The following MOK variants were observed in gnomAD, a reference collection of about 807,000 sequenced individuals.
MOK encodes the protein MOK protein kinase.
In MOK, 59 loss-of-function variants were observed where a neutral mutation model predicts 54.2. That is an observed-to-expected ratio of 1.09 (90% CI 0.88 to 1.35). MOK has a LOEUF of 1.35. MOK is among the 40% of genes most tolerant of loss of function. The pLI is 0.00. For synonymous variants in MOK, 210 were observed against 202.7 expected (o/e 1.04, Z -0.31); for missense variants, 517 against 526.2 (o/e 0.98, Z 0.17).
chr14:102,268,140 C>T (rs1251381341), intron 2 of MOK, among the ~76,000 whole-genome samples: 1 of 152,152 alleles, frequency 6.6e-6, no homozygotes, highest in Non-Finnish European at 1.5e-5. Flanking sequence ...AATATCCATT[C>T]TTCTCCTCTG....
chr14:102,297,163 C>T (rs1260370904), intron 1 of MOK, among the ~76,000 whole-genome samples: 3 of 152,096 alleles, frequency 2.0e-5, no homozygotes, highest in African/African-American at 7.2e-5. Context: ...CAAGACCATC[C>T]TGGCTAACAC....
Position 102,250,954 on chromosome 14 carries a change from G to T in MOK, c.448C>A (p.Arg150=), listed in dbSNP as rs151048366. The T allele has an allele frequency of 1.2e-6, 2 of 1,613,954 alleles. No homozygotes were observed. Among genetic ancestry groups the T allele is most frequent in the Admixed American group, 1.7e-5 (1 of 59,998 alleles). ...TACGGCTGCTTGGAATAGACACTCCGGCAGGAGCCAAAGTCCCCTAATTTC... is the reference window on the plus strand; with the variant it reads ...TACGGCTGCTTGGAATAGACACTCCTGCAGGAGCCAAAGTCCCCTAATTTC... ...VLKLGDFGSC[R]SVYSKQPYTE... Residue 150 remains arginine (R), a synonymous_variant, in exon 7 of 12, where the codon CGG becomes AGG. Transcript: ENST00000361847.
chr14:102,304,056 A>T (rs898470638), intron 1 of MOK, among the ~76,000 whole-genome samples: 29 of 152,238 alleles, frequency 1.9e-4, no homozygotes, highest in African/African-American at 7.0e-4. Context: ...GTAAACATTA[A>T]ACAATATCCA....
intron 2 of MOK, among the ~76,000 whole-genome samples, chr14:102,268,335 A>C (rs1296274353): frequency 1.3e-5 from 2 of 152,274 alleles, no homozygotes; most frequent in East Asian, 1.9e-4. Context: ...TGCTTAATAA[A>C]ATTCAAATCA....
At position 102,235,335 on chromosome 14, in the gene MOK, T is replaced by C. The variant is rs1280235572; in HGVS notation, c.591-1546A>G. 6 of 152,268 alleles carry C rather than the reference T, an allele frequency of 3.9e-5. No individual in the cohort carries two copies. The highest frequency in any genetic ancestry group is 5.9e-5 in the Non-Finnish European group (4 of 68,050). 9.4% of individuals were successfully genotyped at this position (152,268 alleles called of 1,614,324 possible). ...ATCCCGACACTTACATCAAATAATT[T>C]AAATATCTCACCCAGTCTTATGAAC... On this transcript the variant is annotated intron_variant, in intron 7 of 11. Transcript: ENST00000361847. The surrounding 1 kb of genome is among the most constrained non-coding windows in gnomAD (Gnocchi z 4.4).
In MOK at chr14:102,249,023, C is replaced by T. The variant is rs1036237305; in HGVS notation, c.590+1789G>A. Among the ~76,000 whole-genome samples, 5 of 152,006 alleles carry T rather than the reference C, an allele frequency of 3.3e-5. No homozygotes were observed. Among genetic ancestry groups the T allele is most frequent in the South Asian group, 2.1e-4 (1 of 4,820 alleles). The stretch of plus-strand genomic sequence containing the variant: ...ACCAGGCAGACTCGCTCACACGGAA[C>T]GCGAGGAACTCAGCCTGGCGTGTGC... On this transcript the variant is annotated intron_variant, in intron 7 of 11. Coordinates refer to ENST00000361847, the MANE Select transcript of MOK (RefSeq NM_014226.3). The surrounding 1 kb of genome is among the most constrained non-coding windows in gnomAD (Gnocchi z 5.3).
intron 7 of MOK, 41 bp downstream of exon 7, chr14:102,250,771 C>T: frequency 6.3e-7 from 1 of 1,595,242 alleles, no homozygotes; most frequent in Non-Finnish European, 8.6e-7. Context: ...TGCTGCACCG[C>T]TCCGCCGCAG....
intron 1 of MOK, among the ~76,000 whole-genome samples, chr14:102,294,650 G>A (rs2071238968): frequency 6.6e-6 from 1 of 151,920 alleles, no homozygotes; most frequent in African/African-American, 2.4e-5. Context: ...TCAAAGGAGG[G>A]ATTGGAGGTC....
At chr14:102,246,729 G>A (rs1264926948) in intron 7 of MOK, among the ~76,000 whole-genome samples, 1 of 152,062 alleles carries the variant, frequency 6.6e-6, no homozygotes, top group Admixed American at 6.5e-5. Flanking sequence ...AACCTTACAT[G>A]CCTACTTACG....
chr14:102,252,730 T>G (rs892606068), intron 4 of MOK, among the ~76,000 whole-genome samples: 1 of 152,180 alleles, frequency 6.6e-6, no homozygotes, highest in African/African-American at 2.4e-5. Flanking sequence ...ATTCAGAGTA[T>G]TCCTAGAAGA....
At chr14:102,265,984 C>T in intron 2 of MOK, 72 bp from the exon 3 acceptor site, 1 of 1,072,304 alleles carries the variant, frequency 9.3e-7, no homozygotes, top group South Asian at 1.5e-5. Flanking sequence ...TACTTATTAT[C>T]CAGGATCACA....
chr14:102,286,095 C>T (rs1196895681), intron 1 of MOK, among the ~76,000 whole-genome samples: 6 of 150,250 alleles, frequency 4.0e-5, no homozygotes, highest in South Asian at 2.1e-4. Flanking sequence ...GTCAGAAGAT[C>T]GAGACCATCC....
chr14:102,278,999 T>C (rs1466288340), intron 2 of MOK, among the ~76,000 whole-genome samples: 1 of 152,208 alleles, frequency 6.6e-6, no homozygotes, highest in Non-Finnish European at 1.5e-5. Context: ...GTAGATACTG[T>C]GGTTATCCCC....
In MOK at chr14:102,230,673, G is replaced by T; in HGVS notation, c.982-1016C>A. The stretch of plus-strand genomic sequence containing the variant: ...TCCAGGAGGGAGCGGAGGCAGAGCA[G>T]GGACAGTAGTGAGGAGGCCATCTGT... On this transcript the variant is annotated intron_variant, in intron 10 of 11. Transcript: ENST00000361847. The surrounding 1 kb of genome is among the most constrained non-coding windows in gnomAD (Gnocchi z 4.1). 1 of 153,058 alleles carries T rather than the reference G, an allele frequency of 6.5e-6. No homozygotes were observed. The allele number at this position is 153,058 out of a possible 1,614,324, so 9.5% of individuals were successfully genotyped here. A position where few individuals can be genotyped will look rare whatever the true frequency, so the allele number is the denominator to read the frequency against.
In MOK at chr14:102,229,223, A is replaced by C. The variant is rs2064409356; in HGVS notation, c.*66T>G. On this transcript the variant is annotated 3_prime_UTR_variant, in exon 12 of 12. Coordinates refer to ENST00000361847, the MANE Select transcript of MOK (RefSeq NM_014226.3). ...GCCCTCCGTGGCGTCTCAGCAGCAG[A>C]TCACCCAGGCCTGGCCCGGTCGGGC... is the stretch of plus-strand genomic sequence containing the variant. 1.4e-6 allele frequency: 2 copies of C among 1,471,064 alleles called. No individual in the cohort carries two copies. Among genetic ancestry groups the C allele is most frequent in the Non-Finnish European group, 1.8e-6 (2 of 1,088,190 alleles). 91.1% of individuals were successfully genotyped at this position (1,471,064 alleles called of 1,614,324 possible). A position where few individuals can be genotyped will look rare whatever the true frequency, so the allele number is the denominator to read the frequency against.
chr14:102,229,416 G>C (rs752850587), intron 11 of MOK, 41 bp downstream of exon 11: 1 of 1,613,966 alleles, frequency 6.2e-7, no homozygotes, highest in East Asian at 2.2e-5. Flanking sequence ...CCTGGGCTGG[G>C]TCGAAGAGCA....
chr14:102,220,003 ATGAG>A (rs1216558429), downstream of MOK, among the ~76,000 whole-genome samples: 2 of 152,246 alleles, frequency 1.3e-5, no homozygotes, highest in Non-Finnish European at 2.9e-5. The surrounding 1 kb of genome is among the most constrained non-coding windows in gnomAD (Gnocchi z 4.2). Flanking sequence ...AAACTGGAGA[ATGAG>A]TGTGCATTTG....
intron 1 of MOK, among the ~76,000 whole-genome samples, chr14:102,294,518 G>A (rs1026923430): frequency 2.0e-5 from 3 of 151,976 alleles, no homozygotes; most frequent in African/African-American, 7.3e-5. Context: ...GGGAGGCTGA[G>A]ATAGGAGAAT....
At chr14:102,281,212 T>A (rs2069386933) in intron 2 of MOK, among the ~76,000 whole-genome samples, 1 of 151,900 alleles carries the variant, frequency 6.6e-6, no homozygotes, top group African/African-American at 2.4e-5. Context: ...TAGTCCCAGA[T>A]ACTCGGGAGG....
Sources: gnomAD v4.1 joint callset for allele counts (sites outside exome capture counted in the v4.1 genomes callset) on GRCh38, gnomAD v4.1.1 for gene constraint, Gnocchi (gnomAD v3.1) non-coding constraint, MANE v1.5 for transcripts, NCBI Gene and HGNC (gene_info 2026-07-23, HGNC 2026-07-21) for gene names.